SLC12A9: variants seen among roughly 807,000 people sequenced by gnomAD.
SLC12A9 encodes CCC-interacting protein 1.
SLC12A9 carries 55 observed loss-of-function variants against 66.0 expected under a neutral mutation model. The ratio of observed to expected loss-of-function variants is 0.83; its 90% CI spans 0.67 to 1.04. The LOEUF (loss-of-function observed/expected upper bound fraction) is 1.04, where lower values mean the gene tolerates loss of function less well. SLC12A9 is among the 50% of genes least tolerant of loss of function. The pLI, the probability that SLC12A9 is intolerant of heterozygous loss-of-function variation, is 0.00. For missense variants in SLC12A9, 1,061 were observed against 1,241.9 expected, an observed-to-expected ratio of 0.85 and a Z score of 2.19; for synonymous variants, 577 against 569.0, an observed-to-expected ratio of 1.01 and a Z score of -0.20.
rs959025951 is a variant in SLC12A9, at chr7:100,861,205, A to C, written c.1286A>C (p.Tyr429Ser). The change falls in exon 10 of 14, where the codon TAT becomes TCT. Residue 429 changes from tyrosine (Y) to serine (S), a missense_variant. Coordinates refer to ENST00000354161, the MANE Select transcript of SLC12A9 (RefSeq NM_020246.4). The surrounding 1 kb of genome is among the most constrained non-coding windows in gnomAD (Gnocchi z 5.3). ...GTCACTGTCTTCTACCTGGTGGCCT[A>C]TGCTGCCGTGGACCTGTCCTGCCTG... Reference protein sequence around the residue: ...AVVTVFYLVAYAAVDLSCLSL... With the variant: ...AVVTVFYLVASAAVDLSCLSL... The C allele has an allele frequency of 1.2e-6, 2 of 1,614,200 alleles. No homozygotes were observed. The highest frequency in any genetic ancestry group is 1.7e-6 in the Non-Finnish European group (2 of 1,180,030).
At chr7:100,848,911 A>G (rs138565718), upstream of SLC12A9, among the ~76,000 whole-genome samples, 1 of 48,118 alleles carries the variant, frequency 2.1e-5, no homozygotes, top group South Asian at 5.9e-4. Flanking sequence ...AAGAAAGAAA[A>G]GAAAGAAAGA....
Position 100,865,817 on chromosome 7 carries a change from A to G in SLC12A9, c.1957A>G (p.Ser653Gly). ...TDPAFSEPADSTREGSSPALS... is the reference protein window; with the variant it reads ...TDPAFSEPADGTREGSSPALS... ...CCCGGCTTTCTCTGAGCCTGCAGACAGCACCAGGGAGGGCAGTTCCCCAGC... is the reference window on the plus strand; with the variant it reads ...CCCGGCTTTCTCTGAGCCTGCAGACGGCACCAGGGAGGGCAGTTCCCCAGC... Residue 653 changes from serine (S) to glycine (G), a missense_variant, in exon 14 of 14, where the codon AGC becomes GGC. Physicochemically the swap from Ser to Gly is moderately conservative, Grantham distance 56 (BLOSUM62 0). Transcript: ENST00000354161. The G allele has an allele frequency of 6.2e-7, 1 of 1,613,976 alleles. No individual in the cohort carries two copies. The highest frequency in any genetic ancestry group is 8.5e-7 in the Non-Finnish European group (1 of 1,180,032).
Position 100,861,455 on chromosome 7 carries a change from G to A in SLC12A9, c.1407G>A (p.Met469Ile), listed in dbSNP as rs1402822253. 1 of 1,613,654 alleles carries A rather than the reference G, an allele frequency of 6.2e-7. No individual in the cohort carries two copies. The highest frequency in any genetic ancestry group is 8.5e-7 in the Non-Finnish European group (1 of 1,180,042). ...CLLGVASCLL[M>I]MFLISPGAAG... ...TGGGGGTGGCCTCCTGCCTGCTCATGATGTTCCTCATCAGTCCTGGCGCGG... is the reference window on the plus strand; with the variant it reads ...TGGGGGTGGCCTCCTGCCTGCTCATAATGTTCCTCATCAGTCCTGGCGCGG... Residue 469 changes from methionine (M) to isoleucine (I), a missense_variant, in exon 11 of 14, where the codon ATG (methionine) becomes ATA (isoleucine). Coordinates refer to ENST00000354161, the MANE Select transcript of SLC12A9 (RefSeq NM_020246.4). The surrounding 1 kb of genome is among the most constrained non-coding windows in gnomAD (Gnocchi z 5.3).
exon 1 of SLC12A9, chr7:100,826,882 G>A (rs906591137): frequency 2.8e-6 from 4 of 1,409,560 alleles, no homozygotes; most frequent in Non-Finnish European, 2.9e-6. Context: ...GCCCGGGTAG[G>A]GGTAGTCAGA....
rs374643374 is a variant in SLC12A9, at chr7:100,861,871, G to T, written c.1671G>T (p.Gly557=). 6.2e-7 allele frequency: 1 copy of T among 1,613,304 alleles called. No individual in the cohort carries two copies. The highest frequency in any genetic ancestry group is 1.7e-5 in the Admixed American group (1 of 59,918). Residue 557 remains glycine, a synonymous_variant, in exon 12 of 14, where the codon GGG becomes GGT. Transcript: ENST00000354161. This position sits in a 1 kb window ranked among gnomAD's most constrained non-coding sequence, Gnocchi z 5.3. ...LLRLANQLKK[G]GLYVLGHVTL... ...GGTTGGCCAACCAGCTTAAGAAGGGGGGGCTGTATGTGCTGGGCCACGTCA... is the reference window on the plus strand; with the variant it reads ...GGTTGGCCAACCAGCTTAAGAAGGGTGGGCTGTATGTGCTGGGCCACGTCA...
chr7:100,847,986 G>A (rs1250119323), upstream of SLC12A9, among the ~76,000 whole-genome samples: 2 of 150,556 alleles, frequency 1.3e-5, no homozygotes, highest in African/African-American at 2.4e-5. Context: ...CTTGAGAGGC[G>A]GAGGCAGGAG....
chr7:100,838,027 A>AT lies in SLC12A9; in HGVS notation n.228+10987dup, dbSNP rs1440190053. Among the ~76,000 whole-genome samples, 9 of 151,400 alleles carry AT rather than the reference A, an allele frequency of 5.9e-5. No individual in the cohort carries two copies. In the South Asian group the frequency reaches 1.5e-3, roughly 25 times the overall value. Reference sequence around the variant, plus strand: ...AGGCGCCCTCTACCATGCCTGGCTAATTTTTTTGTATTTTTAGTAGAGACA... The same window carrying AT: ...AGGCGCCCTCTACCATGCCTGGCTAATTTTTTTTGTATTTTTAGTAGAGACA... On this transcript the variant is annotated intron_variant and non_coding_transcript_variant, in intron 1 of 1. Coordinates refer to the SLC12A9 transcript ENST00000461016.
chr7:100,860,714 G>T, intron 9 of SLC12A9: 3 of 375,466 alleles, frequency 8.0e-6, no homozygotes, highest in South Asian at 6.4e-5. Context: ...GGGCTCACGG[G>T]CACTTTTCAG....
At chr7:100,863,227 G>A (rs538573239) in intron 13 of SLC12A9, among the ~76,000 whole-genome samples, 36 of 152,108 alleles carry the variant, frequency 2.4e-4, no homozygotes, top group African/African-American at 8.7e-4. Flanking sequence ...ACCATACCTG[G>A]CTAATTTTTG....
At position 100,857,137 on chromosome 7, in the gene SLC12A9, AC is replaced by A; in HGVS notation, c.720del (p.Gly241AlafsTer7). The A allele has an allele frequency of 6.2e-7, 1 of 1,613,606 alleles. No homozygotes were observed. Among genetic ancestry groups the A allele is most frequent in the Non-Finnish European group, 8.5e-7 (1 of 1,179,902 alleles). ...CCTGCCGCCCCGGTTTGGCCACTTCACCGGCTTCAACAGCAGTACCCTGAAG... is the reference window on the plus strand; with the variant it reads ...CCTGCCGCCCCGGTTTGGCCACTTCACGGCTTCAACAGCAGTACCCTGAAG... Reference protein sequence around the residue: ...SSLPPRFGHFTGFNSSTLKDN... With the variant: ...SSLPPRFGHFXGFNSSTLKDN... On this transcript the variant is annotated frameshift_variant, in exon 5 of 14. Coordinates refer to ENST00000354161, the MANE Select transcript of SLC12A9 (RefSeq NM_020246.4). LOFTEE classifies it high-confidence loss of function.
chr7:100,865,771 G>T lies in SLC12A9; in HGVS notation c.1911G>T (p.Pro637=). Residue 637 remains proline (P), a synonymous_variant, in exon 14 of 14, where the codon CCG becomes CCT. Coordinates refer to ENST00000354161, the MANE Select transcript of SLC12A9 (RefSeq NM_020246.4). The stretch of plus-strand genomic sequence containing the variant: ...TAGGTTTCTACGATGACGCTCCACC[G>T]CAGGACCATTTCCTGACGGACCCGG... ...LVLGFYDDAP[P]QDHFLTDPAF... 1 of 1,613,972 alleles carries T rather than the reference G, an allele frequency of 6.2e-7. No homozygotes were observed. The highest frequency in any genetic ancestry group is 8.5e-7 in the Non-Finnish European group (1 of 1,180,000).
chr7:100,840,815 A>G (rs749906849), intron 1 of SLC12A9, among the ~76,000 whole-genome samples: 5 of 152,130 alleles, frequency 3.3e-5, no homozygotes, highest in Non-Finnish European at 4.4e-5. Context: ...TAAAACCTAT[A>G]ATTGATAATT....
At chr7:100,836,389 AGAG>A (rs1031268904) in intron 1 of SLC12A9, among the ~76,000 whole-genome samples, 3 of 152,084 alleles carry the variant, frequency 2.0e-5, no homozygotes, top group African/African-American at 7.2e-5. Flanking sequence ...GCCGGGCCCC[AGAG>A]GAGATGACGC....
chr7:100,856,232 G>A (rs2116596719), intron 4 of SLC12A9: 1 of 170,354 alleles, frequency 5.9e-6, no homozygotes, highest in Non-Finnish European at 1.3e-5. Flanking sequence ...TTTTGAGATG[G>A]AGTCTTGCTT....
In SLC12A9 at chr7:100,856,878, G is replaced by C. The variant is rs779390848; in HGVS notation, c.459G>C (p.Gly153=). 1 of 1,598,116 alleles carries C rather than the reference G, an allele frequency of 6.3e-7. No homozygotes were observed. Among genetic ancestry groups the C allele is most frequent in the Non-Finnish European group, 8.5e-7 (1 of 1,174,618 alleles). ...VLDVFGADAT[G]PSGLRVLPQG... ...CCTACCTCTCTCCAGATGCCACAGG[G>C]CCCAGTGGGCTCCGGGTCCTGCCCC... Residue 153 remains glycine (G), a synonymous_variant, in exon 5 of 14, where the codon GGG becomes GGC. Transcript: ENST00000354161.
chr7:100,835,230 C>T (rs1813625833), intron 1 of SLC12A9, among the ~76,000 whole-genome samples: 1 of 151,616 alleles, frequency 6.6e-6, no homozygotes, highest in Admixed American at 6.6e-5. Context: ...GTGGTGCGTG[C>T]CTGTTATCCA....
chr7:100,854,638 CT>C lies in SLC12A9; in HGVS notation c.201del (p.Leu69TyrfsTer39), dbSNP rs772498351. 6.8e-6 allele frequency: 11 copies of C among 1,614,020 alleles called. No individual in the cohort carries two copies. Among genetic ancestry groups the C allele is most frequent in the Non-Finnish European group, 9.3e-6 (11 of 1,179,982 alleles). On this transcript the variant is annotated frameshift_variant, in exon 3 of 14. Transcript: ENST00000354161. LOFTEE classifies it high-confidence loss of function. ...GCCTCAGGGTTCGTGGTGGGTCATG[CT>C]GGGCTACTGCAGGCCCTGGCCATGC... is the stretch of plus-strand genomic sequence containing the variant. ...FLRIGFVVGH[A>X]GLLQALAMLL...
At chr7:100,826,936 C>T in exon 1 of SLC12A9, 1 of 1,537,578 alleles carries the variant, frequency 6.5e-7, no homozygotes, top group Non-Finnish European at 8.8e-7. Context: ...GGGGGGAGGT[C>T]CCAGGAGTGA....
At chr7:100,859,710 C>T (rs1295307995) in intron 7 of SLC12A9, 175 bp from the exon 8 acceptor site, 5 of 778,638 alleles carry the variant, frequency 6.4e-6, no homozygotes, top group Non-Finnish European at 9.9e-6. Flanking sequence ...GACCTTGTCT[C>T]TTAAAAAAAA....
Sources: gnomAD v4.1 joint callset for allele counts (sites outside exome capture counted in the v4.1 genomes callset) on GRCh38, gnomAD v4.1.1 for gene constraint, Gnocchi (gnomAD v3.1) non-coding constraint, MANE v1.5 for transcripts, NCBI Gene and HGNC (gene_info 2026-07-23, HGNC 2026-07-21) for gene names.